The following MRPL21 variants were observed in gnomAD, a reference collection of about 807,000 sequenced individuals.
MRPL21 encodes the protein mitochondrial ribosomal protein L21.
A neutral mutation model predicts 27.3 loss-of-function variants in MRPL21; 20 were observed. The ratio of observed to expected loss-of-function variants is 0.73; its 90% confidence interval spans 0.52 to 1.06. The LOEUF is 1.06. Among genes scored for constraint, MRPL21 ranks in the 50% least tolerant of loss-of-function variants. The pLI is 0.00. For synonymous variants in MRPL21, 98 were observed against 101.5 expected (o/e 0.97, Z 0.21); for missense variants, 249 against 251.4 (o/e 0.99, Z 0.06).
chr11:68,896,661 T>G lies in MRPL21; in HGVS notation c.250A>C (p.Asn84His). ...RHHAEVVKKV[N>H]EMIVTGQYGR... is the part of the protein sequence containing the mutation. Reference sequence around the variant, plus strand: ...TACTGCCCCGTGACGATCATCTCATTCACCTTCTTCACGACCTCTGCAGGG... The same window carrying G: ...TACTGCCCCGTGACGATCATCTCATGCACCTTCTTCACGACCTCTGCAGGG... The change falls in exon 4 of 7, where the codon AAT becomes CAT. Residue 84 changes from asparagine to histidine, a missense_variant. Asn to His is a moderately conservative substitution (Grantham distance 68). Transcript: ENST00000362034. 6.2e-7 allele frequency: 1 copy of G among 1,613,930 alleles called. No homozygotes were observed. Among genetic ancestry groups the G allele is most frequent in the Non-Finnish European group, 8.5e-7 (1 of 1,179,970 alleles).
chr11:68,891,554 G>A (rs1272246434), intron 6 of MRPL21, 159 bp from the exon 7 acceptor site: 6 of 715,006 alleles, frequency 8.4e-6, no homozygotes, highest in Admixed American at 2.1e-5. Flanking sequence ...TGACTGCCTC[G>A]CTAGCTTGTT....
intron 1 of MRPL21, among the ~76,000 whole-genome samples, chr11:68,903,002 T>G (rs922362325): frequency 3.0e-4 from 46 of 152,230 alleles, no homozygotes; most frequent in African/African-American, 1.1e-3. Context: ...AATATTCTAC[T>G]GTATGGATGT....
chr11:68,896,226 C>T (rs1352106853), intron 4 of MRPL21, among the ~76,000 whole-genome samples: 1 of 152,198 alleles, frequency 6.6e-6, no homozygotes, highest in Non-Finnish European at 1.5e-5. Flanking sequence ...GACTGGAACA[C>T]AATAAAGACA....
intron 6 of MRPL21, 97 bp from the exon 7 acceptor site, chr11:68,891,492 C>A: frequency 8.4e-7 from 1 of 1,192,258 alleles, no homozygotes; most frequent in Non-Finnish European, 1.2e-6. Flanking sequence ...GCCAGCGCGA[C>A]CCCGGCAACG....
intron 6 of MRPL21, chr11:68,891,810 A>G: frequency 2.2e-6 from 1 of 462,704 alleles, no homozygotes; most frequent in Non-Finnish European, 3.8e-6. Flanking sequence ...ATATTTAACT[A>G]TGCCCACTGT....
At chr11:68,901,954 A>G (rs993056599) in intron 1 of MRPL21, among the ~76,000 whole-genome samples, 5 of 152,274 alleles carry the variant, frequency 3.3e-5, no homozygotes, top group Admixed American at 6.5e-5. Context: ...TCTCTCGCAC[A>G]CTACTCAGTC....
chr11:68,897,920 G>C lies in MRPL21; in HGVS notation c.232+7C>G, dbSNP rs377409001. On this transcript the variant is annotated splice_region_variant and intron_variant, in intron 3 of 6. Transcript: ENST00000362034. ...CCTCTAGCTTCTGTCTCCCAGGGAG[G>C]TCTTACCTGCATGGTGTCTGGTCTC... The C allele has an allele frequency of 6.2e-7, 1 of 1,612,886 alleles. No individual in the cohort carries two copies. The highest frequency in any genetic ancestry group is 8.5e-7 in the Non-Finnish European group (1 of 1,178,918).
In MRPL21 at chr11:68,903,788, A is replaced by AC; in HGVS notation, c.22dup (p.Val8GlyfsTer46). The AC allele has an allele frequency of 6.3e-7, 1 of 1,599,590 alleles. No individual in the cohort carries two copies. The highest frequency in any genetic ancestry group is 8.5e-7 in the Non-Finnish European group (1 of 1,170,980). ...CGCGGACGCCAGCCGCCCTAAGGTGACCGTCAGGGAAGATGCTGCCATGGC... is the reference window on the plus strand; with the variant it reads ...CGCGGACGCCAGCCGCCCTAAGGTGACCCGTCAGGGAAGATGCTGCCATGGC... On this transcript the variant is annotated frameshift_variant, in exon 1 of 7. Transcript: ENST00000362034. LOFTEE classifies it high-confidence loss of function.
At chr11:68,897,647 G>A in intron 3 of MRPL21, 1 of 510,334 alleles carries the variant, frequency 2.0e-6, no homozygotes, top group Non-Finnish European at 3.5e-6. Context: ...AGCTGTCGCT[G>A]CACCCACCAA....
Position 68,892,126 on chromosome 11 carries a change from C to A in MRPL21, c.554-731G>T, listed in dbSNP as rs561651848. Reference sequence around the variant, plus strand: ...AGAAGGGGAGCGAGGTGGGTTCACGCGCGGAGGGTGGAGGAGAAGGGGAGC... The same window carrying A: ...AGAAGGGGAGCGAGGTGGGTTCACGAGCGGAGGGTGGAGGAGAAGGGGAGC... On this transcript the variant is annotated intron_variant, in intron 6 of 6. Transcript: ENST00000362034. 133 of 1,020,280 alleles carry A rather than the reference C, an allele frequency of 1.3e-4. 3 individuals are homozygous for A. The African/African-American group carries it at 2.7e-3, about 21-fold the overall frequency. 63.2% of individuals were successfully genotyped at this position (1,020,280 alleles called of 1,614,324 possible).
chr11:68,902,129 G>A (rs1324543000), intron 1 of MRPL21, among the ~76,000 whole-genome samples: 4 of 152,124 alleles, frequency 2.6e-5, no homozygotes, highest in African/African-American at 9.7e-5. Flanking sequence ...CTTCCATCAC[G>A]TCTCCTTTGC....
chr11:68,892,540 AG>A lies in MRPL21; in HGVS notation c.553+349del. ...TGGGGTCACGCGCGGAGGGTGGAGG[AG>A]AAGGGGAGCGAGGTGGGGTCATGCG... On this transcript the variant is annotated intron_variant, in intron 6 of 6. Coordinates refer to ENST00000362034, the MANE Select transcript of MRPL21 (RefSeq NM_181514.2). 1.2e-5 allele frequency: 3 copies of A among 254,046 alleles called. No homozygotes were observed. The South Asian group carries it at 2.0e-4, about 17-fold the overall frequency. 15.7% of individuals were successfully genotyped at this position (254,046 alleles called of 1,614,324 possible).
At chr11:68,896,020 C>G (rs1256211542) in intron 4 of MRPL21, among the ~76,000 whole-genome samples, 1 of 152,142 alleles carries the variant, frequency 6.6e-6, no homozygotes, top group Non-Finnish European at 1.5e-5. Flanking sequence ...AAATTAGCAC[C>G]CAGGGAAATG....
intron 2 of MRPL21, among the ~76,000 whole-genome samples, chr11:68,898,480 C>T (rs538531588): frequency 1.3e-5 from 2 of 152,354 alleles, no homozygotes; most frequent in South Asian, 2.1e-4. Flanking sequence ...AGGACCATGA[C>T]GTTCCCTGCT....
chr11:68,902,221 CG>C (rs1346551800), intron 1 of MRPL21, among the ~76,000 whole-genome samples: 1 of 152,184 alleles, frequency 6.6e-6, no homozygotes, highest in Non-Finnish European at 1.5e-5. Context: ...TCTCCTAATG[CG>C]TGAGTCTGTA....
chr11:68,900,736 A>C lies in MRPL21; in HGVS notation c.89-131T>G, dbSNP rs138947560. 494 of 795,648 alleles carry C rather than the reference A, an allele frequency of 6.2e-4. 3 individuals are homozygous for C. The highest frequency in any genetic ancestry group is 3.3e-3 in the Middle Eastern group (14 of 4,240). 49.3% of individuals were successfully genotyped at this position (795,648 alleles called of 1,614,324 possible). ...CCACTGCATGACAGCCTGCCCACAGAAACACCTAGGTGAGCAAAACTACAA... is the reference window on the plus strand; with the variant it reads ...CCACTGCATGACAGCCTGCCCACAGCAACACCTAGGTGAGCAAAACTACAA... On this transcript the variant is annotated intron_variant, in intron 1 of 6. Transcript: ENST00000362034.
At chr11:68,901,315 C>G (rs928308211) in intron 1 of MRPL21, among the ~76,000 whole-genome samples, 13 of 152,118 alleles carry the variant, frequency 8.5e-5, no homozygotes, top group African/African-American at 2.9e-4. Flanking sequence ...GTTCCTGGCT[C>G]TCAGAACTGG....
At chr11:68,902,069 C>T (rs1204954972) in intron 1 of MRPL21, among the ~76,000 whole-genome samples, 1 of 152,222 alleles carries the variant, frequency 6.6e-6, no homozygotes, top group East Asian at 1.9e-4. Context: ...CAGTCTCCTT[C>T]CTCTCCCACA....
chr11:68,896,719 G>C (rs1857801007), intron 3 of MRPL21, 41 bp from the exon 4 acceptor site: 1 of 1,609,496 alleles, frequency 6.2e-7, no homozygotes, highest in South Asian at 1.1e-5. Context: ...ACCCTCACCT[G>C]CTCCCCCACG....
Sources: allele counts gnomAD v4.1 joint callset (sites outside exome capture counted in the v4.1 genomes callset), GRCh38; gene constraint gnomAD v4.1.1; transcripts MANE v1.5; gene names NCBI Gene and HGNC (gene_info 2026-07-23, HGNC 2026-07-21).